Variants in FOXP1 observed in about 807,000 individuals in gnomAD.
FOXP1 encodes the protein forkhead box protein P1.
A neutral mutation model predicts 98.2 loss-of-function variants in FOXP1; 15 were observed. The ratio of observed to expected loss-of-function variants is 0.15; its 90% CI spans 0.10 to 0.24. The LOEUF is 0.24. FOXP1 is among the 10% of genes least tolerant of loss of function. The pLI is 1.00. For missense variants in FOXP1, 633 were observed against 848.5 expected, an observed-to-expected ratio of 0.75 and a Z score of 3.15; for synonymous variants, 371 against 314.5, an observed-to-expected ratio of 1.18 and a Z score of -1.90.
At chr3:71,136,362 G>C (rs2059821220) in intron 6 of FOXP1, among the ~76,000 whole-genome samples, 1 of 152,174 alleles carries the variant, frequency 6.6e-6, no homozygotes, top group African/African-American at 2.4e-5. Context: ...GAGAGTACAA[G>C]GAAAACTGTC....
intron 3 of FOXP1, among the ~76,000 whole-genome samples, chr3:71,457,175 CAT>C (rs1400242858): frequency 6.6e-6 from 1 of 151,192 alleles, no homozygotes; most frequent in Non-Finnish European, 1.5e-5. Flanking sequence ...ACAGTAATAA[CAT>C]ATTTATATCA....
Position 71,232,457 on chromosome 3 carries a change from A to G in FOXP1, c.-11-34065T>C, listed in dbSNP as rs533681450. Among the ~76,000 whole-genome samples the G allele has an allele frequency of 3.3e-3, 508 of 152,326 alleles. 3 individuals are homozygous for G. Among genetic ancestry groups the G allele is most frequent in the Non-Finnish European group, 3.8e-3 (261 of 68,024 alleles). ...AGCTGTCACTCTACAGGACCCCTCA[A>G]CTGATGCTCCATGTCATCTCCATGG... On this transcript the variant is annotated intron_variant, in intron 5 of 20. Coordinates refer to ENST00000649528, the MANE Select transcript of FOXP1 (RefSeq NM_001349338.3).
chr3:71,130,362 G>T (rs1427253047), intron 6 of FOXP1: 6 of 792,474 alleles, frequency 7.6e-6, no homozygotes, highest in Non-Finnish European at 1.2e-5. Flanking sequence ...AGAGAGGAGG[G>T]AAGGGGGAGG....
At chr3:71,361,343 C>G (rs765449074) in intron 3 of FOXP1, among the ~76,000 whole-genome samples, 7 of 152,242 alleles carry the variant, frequency 4.6e-5, no homozygotes, top group Non-Finnish European at 7.4e-5. Context: ...TTTGTTCTGA[C>G]ACCCCATGAG....
intron 4 of FOXP1, among the ~76,000 whole-genome samples, chr3:71,315,838 G>C (rs1400581259): frequency 1.3e-5 from 2 of 152,242 alleles, no homozygotes; most frequent in Admixed American, 1.3e-4. Context: ...GACTGTGCCA[G>C]CCCATTGCAT....
chr3:70,978,111 G>C (rs920539365), intron 14 of FOXP1, 82 bp from the exon 15 acceptor site: 35 of 1,129,876 alleles, frequency 3.1e-5, no homozygotes, highest in African/African-American at 7.6e-5. Flanking sequence ...GAGTAACACA[G>C]AGGATGCGTG....
At chr3:71,397,658 A>G (rs1368930064) in intron 3 of FOXP1, among the ~76,000 whole-genome samples, 1 of 152,230 alleles carries the variant, frequency 6.6e-6, no homozygotes, top group Non-Finnish European at 1.5e-5. Context: ...GGAGAAAACA[A>G]TAGGAGGACC....
chr3:71,053,418 C>T (rs1203252182), intron 8 of FOXP1, among the ~76,000 whole-genome samples: 1 of 152,104 alleles, frequency 6.6e-6, no homozygotes, highest in African/African-American at 2.4e-5. Flanking sequence ...GGGTACTCTC[C>T]AGGCCCAAAC....
At chr3:71,516,235 G>A (rs1020332645) in intron 2 of FOXP1, among the ~76,000 whole-genome samples, 3 of 152,188 alleles carry the variant, frequency 2.0e-5, no homozygotes, top group Non-Finnish European at 2.9e-5. Context: ...AAGGGTGCTT[G>A]AGATTTCAAA....
At chr3:71,000,298 ATT>A (rs1479501147) in intron 13 of FOXP1, among the ~76,000 whole-genome samples, 7 of 22,094 alleles carry the variant, frequency 3.2e-4, no homozygotes, top group Non-Finnish European at 4.3e-4. Flanking sequence ...TAAATACTAG[ATT>A]TTATATATAT....
intron 4 of FOXP1, chr3:71,304,677 A>C (rs1172858323): frequency 6.6e-6 from 1 of 152,270 alleles, no homozygotes; most frequent in African/African-American, 2.4e-5. Flanking sequence ...TCATATACTT[A>C]CAATTAGATA....
intron 11 of FOXP1, among the ~76,000 whole-genome samples, chr3:71,035,412 C>T (rs907292289): frequency 5.3e-5 from 8 of 152,150 alleles, no homozygotes; most frequent in Non-Finnish European, 1.0e-4. Flanking sequence ...TTTCAGTTTT[C>T]GTAGCCTATA....
chr3:71,243,355 G>A (rs1386229591), intron 5 of FOXP1, among the ~76,000 whole-genome samples: 1 of 152,166 alleles, frequency 6.6e-6, no homozygotes, highest in East Asian at 1.9e-4. Context: ...GCACAGAGAT[G>A]ATCCGCAGCC....
At chr3:70,982,314 T>C (rs913202795) in intron 14 of FOXP1, among the ~76,000 whole-genome samples, 1 of 152,230 alleles carries the variant, frequency 6.6e-6, no homozygotes, top group African/African-American at 2.4e-5. Flanking sequence ...GCATATGTGC[T>C]TTGTGTTTCT....
chr3:71,338,379 T>C (rs2076813124), intron 4 of FOXP1, among the ~76,000 whole-genome samples: 1 of 152,202 alleles, frequency 6.6e-6, no homozygotes, highest in South Asian at 2.1e-4. Context: ...AGAAAAAGGA[T>C]GGAGAAACAA....
At chr3:71,418,599 G>C (rs1252371849) in intron 3 of FOXP1, among the ~76,000 whole-genome samples, 1 of 152,128 alleles carries the variant, frequency 6.6e-6, no homozygotes, top group Non-Finnish European at 1.5e-5. Context: ...GAGCTAATAG[G>C]GGAAGAAATT....
chr3:71,364,669 G>A (rs749767215), intron 3 of FOXP1, among the ~76,000 whole-genome samples: 2 of 152,010 alleles, frequency 1.3e-5, no homozygotes, highest in Non-Finnish European at 2.9e-5. Flanking sequence ...CATTTTTAAC[G>A]AAATGGGTGA....
At chr3:71,052,717 T>C (rs2050079733) in intron 8 of FOXP1, 91 bp from the exon 9 acceptor site, 4 of 794,098 alleles carry the variant, frequency 5.0e-6, no homozygotes, top group Middle Eastern at 4.5e-4. Flanking sequence ...ATTTGAAAAA[T>C]AGCATCCTTT....
upstream of FOXP1, chr3:71,583,953 T>A (rs2048395679): frequency 1.0e-6 from 1 of 968,850 alleles, no homozygotes; most frequent in East Asian, 1.2e-4. Context: ...AGCGGCTCCC[T>A]CTTTGCCGTT....
Sources: gnomAD v4.1 joint callset for allele counts (sites outside exome capture counted in the v4.1 genomes callset) on GRCh38, gnomAD v4.1.1 for gene constraint, MANE v1.5 for transcripts, NCBI Gene and HGNC (gene_info 2026-07-23, HGNC 2026-07-21) for gene names.